The following ERICH6 variants were observed in gnomAD, a reference collection of about 807,000 sequenced individuals.
ERICH6 encodes the protein glutamate-rich protein 6.
ERICH6 carries 71 observed loss-of-function variants against 71.0 expected under a neutral mutation model. That is an observed-to-expected ratio of 1.00 (90% confidence interval 0.83 to 1.22). The LOEUF is 1.22. Among genes scored for constraint, ERICH6 ranks in the 50% most tolerant of loss-of-function variants. The probability of loss-of-function intolerance (pLI) is 0.00; values close to 1 mark genes in which losing one functional copy is unlikely to be tolerated. For missense variants in ERICH6, 808 were observed against 797.2 expected (o/e 1.01, Z -0.16); for synonymous variants, 262 against 278.4 (o/e 0.94, Z 0.59).
intron 10 of ERICH6, among the ~76,000 whole-genome samples, chr3:150,675,145 G>T (rs1711605586): frequency 6.6e-6 from 1 of 152,014 alleles, no homozygotes. Context: ...AAAATAAGAG[G>T]TAGGCTAAAA....
At position 150,669,093 on chromosome 3, in the gene ERICH6, T is replaced by C. The variant is rs115112861; in HGVS notation, c.1499+203A>G. 1.4e-3 allele frequency among the ~76,000 whole-genome samples: 212 copies of C among 152,338 alleles called. 3 individuals are homozygous for C. The highest frequency in any genetic ancestry group is 1.2e-3 in the Non-Finnish European group (80 of 68,038). ...TATAGAAATAATATGATGAGCTTTA[T>C]TTTTATAATTGCTTGGGATTTTTCC... On this transcript the variant is annotated intron_variant, in intron 12 of 13. Coordinates refer to ENST00000295910, the MANE Select transcript of ERICH6 (RefSeq NM_152394.5).
intron 7 of ERICH6, among the ~76,000 whole-genome samples, 171 bp from the exon 8 acceptor site, chr3:150,681,101 C>G (rs1215305390): frequency 6.6e-6 from 1 of 152,156 alleles, no homozygotes; most frequent in Non-Finnish European, 1.5e-5. Context: ...TTAAAAAGTA[C>G]AATTCATTTG....
chr3:150,685,297 C>T (rs1319467224), intron 6 of ERICH6, among the ~76,000 whole-genome samples: 1 of 152,102 alleles, frequency 6.6e-6, no homozygotes. Flanking sequence ...GGCCCAAATC[C>T]AACTGGACTT....
intron 8 of ERICH6, 96 bp from the exon 9 acceptor site, chr3:150,680,634 C>A: frequency 6.4e-7 from 1 of 1,568,902 alleles, no homozygotes; most frequent in Non-Finnish European, 8.7e-7. Flanking sequence ...CCATCCTTGT[C>A]TGTTTGATCT....
chr3:150,662,953 G>C lies in ERICH6; in HGVS notation c.1729-2798C>G, dbSNP rs527375886. 3.7e-4 allele frequency among the ~76,000 whole-genome samples: 56 copies of C among 152,292 alleles called. No individual in the cohort carries two copies. The East Asian group carries it at 8.3e-3, about 23-fold the overall frequency. Reference sequence around the variant, plus strand: ...TGATATTTTCAAGGAATAGCAAAAAGGCCAGTATGGCTGGAACAGAATGAG... The same window carrying C: ...TGATATTTTCAAGGAATAGCAAAAACGCCAGTATGGCTGGAACAGAATGAG... On this transcript the variant is annotated intron_variant, in intron 13 of 13. Coordinates refer to ENST00000295910, the MANE Select transcript of ERICH6 (RefSeq NM_152394.5).
In ERICH6 at chr3:150,669,227, A is replaced by G. The variant is rs1711496725; in HGVS notation, c.1499+69T>C. On this transcript the variant is annotated intron_variant, in intron 12 of 13. Transcript: ENST00000295910. ...CTTCTGAAACCCATTCTTATCATTT[A>G]AAAAGAAAAAACAAAATTTCCCAGA... 4.7e-6 allele frequency: 7 copies of G among 1,479,144 alleles called. No homozygotes were observed. The South Asian group carries it at 9.9e-5, about 21-fold the overall frequency. The allele number at this position is 1,479,144 out of a possible 1,614,324, so 91.6% of individuals were successfully genotyped here.
chr3:150,675,707 G>GTTT (rs200846169), intron 10 of ERICH6, among the ~76,000 whole-genome samples: 15,174 of 144,816 alleles, frequency 0.1, 1,231 homozygotes, highest in East Asian at 0.45. Flanking sequence ...ATTGGCCATT[G>GTTT]TTTTTTTTTT....
At chr3:150,661,018 AC>A (rs1369699920) in intron 13 of ERICH6, among the ~76,000 whole-genome samples, 1 of 152,194 alleles carries the variant, frequency 6.6e-6, no homozygotes, top group Non-Finnish European at 1.5e-5. Flanking sequence ...ATGACAGAAA[AC>A]TTTTTTACAG....
chr3:150,674,679 G>A (rs1322904602), intron 10 of ERICH6, among the ~76,000 whole-genome samples: 1 of 152,036 alleles, frequency 6.6e-6, no homozygotes, highest in Non-Finnish European at 1.5e-5. Context: ...TGGATCTATG[G>A]ATCACTCTGG....
rs1711496900 is a variant in ERICH6 at position 150,669,351 on chromosome 3, C to G, written c.1444G>C (p.Ala482Pro). ...CTTCTGCCAGAGGAATCCAGCACTG[C>G]TAGGATAGCAGGGTTAGTGGGCATA... is the stretch of plus-strand genomic sequence containing the variant. Reference protein sequence around the residue: ...EDMPTNPAILAVLDSSGRSSC... With the variant: ...EDMPTNPAILPVLDSSGRSSC... The change falls in exon 12 of 14, where the codon GCA becomes CCA. Residue 482 changes from alanine to proline, a missense_variant. Transcript: ENST00000295910. 1.2e-6 allele frequency: 2 copies of G among 1,613,554 alleles called. No individual in the cohort carries two copies. The highest frequency in any genetic ancestry group is 1.3e-5 in the African/African-American group (1 of 74,894).
At chr3:150,662,717 T>C (rs1210653830) in intron 13 of ERICH6, among the ~76,000 whole-genome samples, 1 of 150,670 alleles carries the variant, frequency 6.6e-6, no homozygotes, top group East Asian at 2.0e-4. Flanking sequence ...GACAGCACTA[T>C]ATATTAAAAC....
intron 3 of ERICH6, among the ~76,000 whole-genome samples, chr3:150,694,255 TTTA>T (rs1712568487): frequency 6.6e-6 from 1 of 152,074 alleles, no homozygotes; most frequent in Non-Finnish European, 1.5e-5. Flanking sequence ...TAAAATTTTA[TTTA>T]TTATTATTAT....
intron 9 of ERICH6, among the ~76,000 whole-genome samples, chr3:150,679,666 C>CA (rs1051926616): frequency 6.8e-6 from 1 of 147,312 alleles, no homozygotes; most frequent in African/African-American, 2.5e-5. Context: ...AATAAGCTGA[C>CA]TTTTTTTTTT....
intron 6 of ERICH6, 92 bp downstream of exon 6, chr3:150,685,650 T>A (rs1712151159): frequency 9.1e-7 from 1 of 1,099,524 alleles, no homozygotes; most frequent in Non-Finnish European, 1.3e-6. Flanking sequence ...TTTTTTCCTT[T>A]TAGAGTATTT....
intron 12 of ERICH6, 48 bp downstream of exon 12, chr3:150,669,248 C>A (rs1255563033): frequency 6.5e-7 from 1 of 1,534,384 alleles, no homozygotes; most frequent in Admixed American, 2.3e-5. Context: ...ACAAAATTTC[C>A]CAGAACAAAA....
At position 150,685,970 on chromosome 3, in the gene ERICH6, A is replaced by G. The variant is rs1286573229; in HGVS notation, c.662T>C (p.Leu221Pro). 2 of 1,604,488 alleles carry G rather than the reference A, an allele frequency of 1.2e-6. No individual in the cohort carries two copies. The highest frequency in any genetic ancestry group is 8.5e-7 in the Non-Finnish European group (1 of 1,171,144). ...EESKLNILYE[L>P]EFKEDFITLF... ...AGTATGATAAACATTTCTTACCTCC[A>G]GCTCATATAAAATATTTAGTTTCGA... Residue 221 changes from leucine (L) to proline (P), a missense_variant, in exon 5 of 14, where the codon CTG (leucine) becomes CCG (proline). Physicochemically the swap from Leu to Pro is moderately conservative, Grantham distance 98. Around this residue, in one of 3 missense-constraint regions of ERICH6, gnomAD observed 736 missense variants for 712.2 expected, o/e 1.03. Transcript: ENST00000295910.
intron 10 of ERICH6, among the ~76,000 whole-genome samples, chr3:150,678,029 CTTAAT>C (rs1269389554): frequency 2.0e-5 from 3 of 152,178 alleles, no homozygotes; most frequent in Non-Finnish European, 4.4e-5. Context: ...AAATTACACT[CTTAAT>C]TTAATTTAAG....
chr3:150,680,338 G>T (rs1711853831), intron 9 of ERICH6, 130 bp downstream of exon 9: 2 of 912,182 alleles, frequency 2.2e-6, no homozygotes, highest in Non-Finnish European at 1.7e-6. Flanking sequence ...AAAGTGTTGG[G>T]ATTACAGGCG....
chr3:150,684,356 C>T (rs886868174), intron 6 of ERICH6, among the ~76,000 whole-genome samples: 5 of 152,198 alleles, frequency 3.3e-5, no homozygotes, highest in African/African-American at 1.2e-4. Flanking sequence ...TAATGTTTCC[C>T]CTCACTAGAT....
Sources: allele counts gnomAD v4.1 joint callset (sites outside exome capture counted in the v4.1 genomes callset), GRCh38; gene constraint gnomAD v4.1.1; regional missense constraint gnomAD v4.1.1; transcripts MANE v1.5; gene names NCBI Gene and HGNC (gene_info 2026-07-23, HGNC 2026-07-21).